The following DOK6 variants were observed in gnomAD, a reference collection of about 807,000 sequenced individuals.
DOK6 encodes the protein docking protein 6.
A neutral mutation model predicts 44.0 loss-of-function variants in DOK6; 22 were observed. The ratio of observed to expected loss-of-function variants is 0.50; its 90% CI spans 0.36 to 0.71. DOK6 has a LOEUF of 0.71. Among genes scored for constraint, DOK6 ranks in the 30% least tolerant of loss-of-function variants. The pLI is 0.00. For synonymous variants in DOK6, 166 were observed against 145.5 expected, an observed-to-expected ratio of 1.14 and a Z score of -1.01; for missense variants, 340 against 416.4, an observed-to-expected ratio of 0.82 and a Z score of 1.60.
intron 3 of DOK6, among the ~76,000 whole-genome samples, chr18:69,675,612 A>T (rs1985903025): frequency 6.6e-6 from 1 of 152,342 alleles, no homozygotes; most frequent in East Asian, 1.9e-4. Context: ...ACATGTATAC[A>T]TATGTAACAA....
chr18:69,493,249 A>C (rs971974391), intron 1 of DOK6, among the ~76,000 whole-genome samples: 3 of 152,200 alleles, frequency 2.0e-5, no homozygotes, highest in Admixed American at 2.0e-4. Context: ...GTAAACTTAC[A>C]CGTTTGGCAT....
intron 1 of DOK6, among the ~76,000 whole-genome samples, chr18:69,536,660 G>A (rs866944990): frequency 2.6e-5 from 4 of 152,068 alleles, no homozygotes; most frequent in Middle Eastern, 3.4e-3. Flanking sequence ...AATAAAAATT[G>A]TTACATATTT....
At chr18:69,549,127 A>G (rs1982493990) in intron 1 of DOK6, among the ~76,000 whole-genome samples, 1 of 150,372 alleles carries the variant, frequency 6.7e-6, no homozygotes, top group African/African-American at 2.4e-5. Flanking sequence ...AAAAATTTCT[A>G]CCTTAACGTG....
chr18:69,583,975 G>T (rs566173281), intron 2 of DOK6, among the ~76,000 whole-genome samples: 208 of 151,680 alleles, frequency 1.4e-3, no homozygotes, highest in African/African-American at 4.8e-3. Context: ...AGGCGTGGTG[G>T]CGGGCGCCTG....
intron 3 of DOK6, chr18:69,662,590 A>G (rs1482370652): frequency 6.6e-6 from 1 of 152,190 alleles, no homozygotes; most frequent in Non-Finnish European, 1.5e-5. Context: ...TTGCCTTTGA[A>G]CAAATAAAAA....
chr18:69,725,467 T>C (rs1018118634), intron 5 of DOK6, among the ~76,000 whole-genome samples: 1 of 152,186 alleles, frequency 6.6e-6, no homozygotes, highest in Admixed American at 6.5e-5. Context: ...AAAAGTGTGT[T>C]CATTTTTATT....
intron 3 of DOK6, among the ~76,000 whole-genome samples, chr18:69,615,154 A>G (rs1430250499): frequency 1.3e-5 from 2 of 152,188 alleles, no homozygotes; most frequent in Non-Finnish European, 2.9e-5. Context: ...ACCCCAAATA[A>G]TAGCTGGTAT....
At chr18:69,782,480 G>A (rs1258021468) in intron 7 of DOK6, among the ~76,000 whole-genome samples, 1 of 151,906 alleles carries the variant, frequency 6.6e-6, no homozygotes, top group African/African-American at 2.4e-5. Flanking sequence ...CAAAGTGCTG[G>A]GATTACAGGC....
chr18:69,626,203 T>C (rs549232419), intron 3 of DOK6, among the ~76,000 whole-genome samples: 13 of 152,342 alleles, frequency 8.5e-5, no homozygotes, highest in Admixed American at 5.9e-4. Flanking sequence ...GTGACATTTT[T>C]CACAAATATA....
At chr18:69,619,876 A>G (rs1315208131) in intron 3 of DOK6, among the ~76,000 whole-genome samples, 1 of 152,226 alleles carries the variant, frequency 6.6e-6, no homozygotes, top group African/African-American at 2.4e-5. Flanking sequence ...TATGTTTGTC[A>G]TAAAACACGA....
At chr18:69,528,343 A>T (rs17204197) in intron 1 of DOK6, among the ~76,000 whole-genome samples, 4,511 of 152,248 alleles carry the variant, frequency 0.03, 79 homozygotes, top group Middle Eastern at 0.044. Context: ...TATTGCCTTC[A>T]GGACTTAAAA....
intron 3 of DOK6, chr18:69,661,725 T>C (rs567026439): frequency 6.6e-6 from 1 of 152,238 alleles, no homozygotes; most frequent in Non-Finnish European, 1.5e-5. Context: ...CATTAAAATA[T>C]AGTTTTAATT....
chr18:69,668,577 G>A (rs1985717707), intron 3 of DOK6, among the ~76,000 whole-genome samples: 1 of 152,104 alleles, frequency 6.6e-6, no homozygotes, highest in African/African-American at 2.4e-5. Flanking sequence ...AGGTGTGGTA[G>A]GAGTTTATTT....
At chr18:69,572,012 T>C (rs1420147674) in intron 2 of DOK6, among the ~76,000 whole-genome samples, 3 of 152,070 alleles carry the variant, frequency 2.0e-5, no homozygotes, top group Admixed American at 2.0e-4. Context: ...AATTGAAAAA[T>C]ATTGTGTTCT....
At position 69,656,569 on chromosome 18, in the gene DOK6, G is replaced by C. The variant is rs573163648; in HGVS notation, c.290-21165G>C. Among the ~76,000 whole-genome samples, 5 of 152,242 alleles carry C rather than the reference G, an allele frequency of 3.3e-5. 1 individual carries two copies. The South Asian group carries it at 1.0e-3, about 32-fold the overall frequency. On this transcript the variant is annotated intron_variant, in intron 3 of 7. Transcript: ENST00000382713. ...GGCACATAGTATAAGTTCAATAAAT[G>C]TTGATTAAAAATAAGTCAAAAAGTT...
intron 7 of DOK6, among the ~76,000 whole-genome samples, chr18:69,807,295 C>G (rs1380694432): frequency 6.6e-6 from 1 of 151,756 alleles, no homozygotes; most frequent in East Asian, 1.9e-4. Flanking sequence ...AGTAGATACA[C>G]AGAAAACAGA....
intron 5 of DOK6, among the ~76,000 whole-genome samples, chr18:69,700,142 T>G (rs1986481051): frequency 6.6e-6 from 1 of 150,980 alleles, no homozygotes; most frequent in African/African-American, 2.4e-5. Flanking sequence ...GTGGGAATTT[T>G]GGGAGCTACA....
intron 2 of DOK6, among the ~76,000 whole-genome samples, chr18:69,577,398 G>C (rs1983263995): frequency 6.6e-6 from 1 of 152,106 alleles, no homozygotes. Flanking sequence ...GATTTGTTTA[G>C]ATTAAGGTGT....
chr18:69,456,325 A>G (rs1483370546), intron 1 of DOK6, among the ~76,000 whole-genome samples: 2 of 151,934 alleles, frequency 1.3e-5, no homozygotes, highest in African/African-American at 4.8e-5. Context: ...TTTCCCCTCT[A>G]GTGTCTGTTG....
Sources: allele counts gnomAD v4.1 joint callset (sites outside exome capture counted in the v4.1 genomes callset), GRCh38; gene constraint gnomAD v4.1.1; transcripts MANE v1.5; gene names NCBI Gene and HGNC (gene_info 2026-07-23, HGNC 2026-07-21).